The following HAO1 variants were observed in gnomAD, a reference collection of about 807,000 sequenced individuals.
The protein encoded by HAO1 is 2-Hydroxyacid oxidase 1.
A neutral mutation model predicts 39.7 loss-of-function variants in HAO1; 34 were observed. That is an observed-to-expected ratio of 0.86 (90% CI 0.65 to 1.14). HAO1 has a LOEUF of 1.14. Ranked by LOEUF, HAO1 falls within the 50% of genes most tolerant of loss-of-function variation. HAO1 has a pLI of 0.00. For synonymous variants in HAO1, 172 were observed against 173.2 expected (o/e 0.99, Z 0.05); for missense variants, 479 against 464.5 (o/e 1.03, Z -0.29).
intron 5 of HAO1, among the ~76,000 whole-genome samples, chr20:7,893,348 CA>C (rs1260725535): frequency 6.6e-6 from 1 of 152,140 alleles, no homozygotes; most frequent in Non-Finnish European, 1.5e-5. Context: ...AATTTTGAAA[CA>C]AAGATGATAA....
chr20:7,893,841 A>G (rs2050184862), intron 5 of HAO1, among the ~76,000 whole-genome samples: 1 of 152,104 alleles, frequency 6.6e-6, no homozygotes, highest in East Asian at 1.9e-4. Flanking sequence ...CTCTTCCTCT[A>G]TTGCAATTCC....
chr20:7,913,955 C>A (rs1428842298), intron 3 of HAO1, among the ~76,000 whole-genome samples: 1 of 152,190 alleles, frequency 6.6e-6, no homozygotes, highest in African/African-American at 2.4e-5. Flanking sequence ...GCCCTTAATG[C>A]ACTCTGGTCT....
At chr20:7,886,817 G>C in intron 5 of HAO1, among the ~76,000 whole-genome samples, 1 of 152,198 alleles carries the variant, frequency 6.6e-6, no homozygotes, top group Non-Finnish European at 1.5e-5. Flanking sequence ...AGAGCTGGTA[G>C]AATGCCATTT....
At chr20:7,892,239 C>T (rs1013528132) in intron 5 of HAO1, among the ~76,000 whole-genome samples, 2 of 152,082 alleles carry the variant, frequency 1.3e-5, no homozygotes, top group Admixed American at 1.3e-4. Context: ...GAGTGCACCA[C>T]CATGCCCAGC....
chr20:7,914,565 C>T (rs2050297627), intron 2 of HAO1, 146 bp from the exon 3 acceptor site: 1 of 795,426 alleles, frequency 1.3e-6, no homozygotes, highest in Admixed American at 2.9e-5. Flanking sequence ...AAAGTCTGGC[C>T]CATACCATCT....
chr20:7,908,188 A>G (rs1231742688), intron 3 of HAO1, among the ~76,000 whole-genome samples: 1 of 152,044 alleles, frequency 6.6e-6, no homozygotes, highest in Non-Finnish European at 1.5e-5. Flanking sequence ...TCAGGAGTTC[A>G]AGACCAGTCT....
intron 4 of HAO1, among the ~76,000 whole-genome samples, chr20:7,903,123 C>T (rs574597072): frequency 1.5e-3 from 230 of 152,264 alleles, no homozygotes; most frequent in Non-Finnish European, 1.1e-3. Context: ...TGCTCCCTTC[C>T]GATCCAGATT....
At chr20:7,924,127 T>C (rs919501750) in intron 2 of HAO1, among the ~76,000 whole-genome samples, 1 of 152,124 alleles carries the variant, frequency 6.6e-6, no homozygotes, top group Admixed American at 6.6e-5. Context: ...TTAAACTGTG[T>C]TCGCATAATG....
chr20:7,906,719 A>G (rs992360709), intron 3 of HAO1, among the ~76,000 whole-genome samples: 1 of 151,842 alleles, frequency 6.6e-6, no homozygotes, highest in African/African-American at 2.4e-5. Flanking sequence ...ATGGTGCATT[A>G]TAATTTACAA....
chr20:7,888,344 TC>T (rs1210274361), intron 5 of HAO1, among the ~76,000 whole-genome samples: 4 of 152,086 alleles, frequency 2.6e-5, no homozygotes, highest in African/African-American at 9.6e-5. Context: ...CACAACTTGC[TC>T]CCCCAACCCC....
At chr20:7,889,305 A>G (rs2050163662) in intron 5 of HAO1, among the ~76,000 whole-genome samples, 1 of 152,194 alleles carries the variant, frequency 6.6e-6, no homozygotes, top group African/African-American at 2.4e-5. Context: ...ACTGTGAAAG[A>G]AAGTCATTAT....
Position 7,885,705 on chromosome 20 carries a change from C to T in HAO1, c.972+1G>A, listed in dbSNP as rs2050147794. ...ATATATTCATTTCTTTGTCCAGTTA[C>T]CTGGAAAGCTAAGCCCCAAACGATT... On this transcript the variant is annotated splice_donor_variant, in intron 6 of 7. Coordinates refer to ENST00000378789, the MANE Select transcript of HAO1 (RefSeq NM_017545.3). LOFTEE classifies it high-confidence loss of function. The T allele has an allele frequency of 1.2e-6, 2 of 1,609,268 alleles. No individual in the cohort carries two copies. The highest frequency in any genetic ancestry group is 4.5e-5 in the East Asian group (2 of 44,828).
chr20:7,898,392 C>T (rs1330834311), intron 4 of HAO1, among the ~76,000 whole-genome samples: 1 of 152,156 alleles, frequency 6.6e-6, no homozygotes, highest in African/African-American at 2.4e-5. Context: ...AATTTCTCTG[C>T]TGTTTCTGTC....
chr20:7,936,202 C>A (rs2050409292), intron 1 of HAO1, among the ~76,000 whole-genome samples: 1 of 152,048 alleles, frequency 6.6e-6, no homozygotes. Context: ...TATGCTATTC[C>A]TTTGAACATT....
intron 2 of HAO1, among the ~76,000 whole-genome samples, chr20:7,924,531 C>G (rs188532614): frequency 6.6e-6 from 1 of 151,904 alleles, no homozygotes; most frequent in Non-Finnish European, 1.5e-5. Flanking sequence ...CAGCCACCAC[C>G]ACCACCACAA....
chr20:7,913,264 A>G (rs2050289090), intron 3 of HAO1, among the ~76,000 whole-genome samples: 1 of 151,142 alleles, frequency 6.6e-6, no homozygotes, highest in Non-Finnish European at 1.5e-5. Flanking sequence ...ATTCCTCATC[A>G]TCTTACATAT....
At chr20:7,905,326 G>C (rs180936014) in intron 4 of HAO1, among the ~76,000 whole-genome samples, 7 of 151,872 alleles carry the variant, frequency 4.6e-5, no homozygotes, top group African/African-American at 1.7e-4. Flanking sequence ...TTATAAATAG[G>C]GACCACATGA....
At chr20:7,929,324 A>G (rs1373164872) in intron 2 of HAO1, among the ~76,000 whole-genome samples, 7 of 152,192 alleles carry the variant, frequency 4.6e-5, no homozygotes, top group African/African-American at 1.7e-4. Context: ...GCAAATAAAG[A>G]TAGTGTGTAA....
intron 3 of HAO1, among the ~76,000 whole-genome samples, chr20:7,910,017 CA>C (rs1389487730): frequency 2.0e-5 from 3 of 152,176 alleles, no homozygotes; most frequent in African/African-American, 7.2e-5. Context: ...AATCCCGGTT[CA>C]GCCTCTTACT....
Sources: allele counts gnomAD v4.1 joint callset (sites outside exome capture counted in the v4.1 genomes callset), GRCh38; gene constraint gnomAD v4.1.1; transcripts MANE v1.5; gene names NCBI Gene and HGNC (gene_info 2026-07-23, HGNC 2026-07-21).